Variants in BRINP3 observed in about 807,000 individuals in gnomAD.
BRINP3 encodes BMP/retinoic acid inducible neural specific 3, also known as BMP/retinoic acid-inducible neural-specific protein 3.
In BRINP3, 19 loss-of-function variants were observed where a neutral mutation model predicts 71.0. That is an observed-to-expected ratio of 0.27 (90% confidence interval 0.19 to 0.39). BRINP3 has a LOEUF of 0.39. BRINP3 is among the 10% of genes least tolerant of loss of function. BRINP3 has a pLI of 1.00. For missense variants in BRINP3, 959 were observed against 940.8 expected (o/e 1.02, Z -0.25); for synonymous variants, 380 against 337.7 (o/e 1.13, Z -1.37).
chr1:190,249,362 T>G (rs1014576832), intron 4 of BRINP3, among the ~76,000 whole-genome samples: 18 of 152,000 alleles, frequency 1.2e-4, no homozygotes, highest in African/African-American at 3.9e-4. Flanking sequence ...CTAAATATTT[T>G]TATTATTTCT....
intron 2 of BRINP3, among the ~76,000 whole-genome samples, chr1:190,405,291 A>T (rs1043001526): frequency 1.3e-5 from 2 of 151,626 alleles, no homozygotes; most frequent in African/African-American, 4.8e-5. Flanking sequence ...CTCTACTAAA[A>T]ATGCAAAAAA....
intron 2 of BRINP3, among the ~76,000 whole-genome samples, chr1:190,312,272 A>G (rs1178947182): frequency 6.6e-6 from 1 of 151,200 alleles, no homozygotes; most frequent in Non-Finnish European, 1.5e-5. Flanking sequence ...ATGAGCTGTC[A>G]TTTAGAAATA....
intron 2 of BRINP3, among the ~76,000 whole-genome samples, chr1:190,369,739 A>G (rs1293206520): frequency 6.6e-6 from 1 of 152,102 alleles, no homozygotes; most frequent in Non-Finnish European, 1.5e-5. Flanking sequence ...ATTTAAGTCC[A>G]GGACAAGTTT....
intron 2 of BRINP3, among the ~76,000 whole-genome samples, chr1:190,338,725 T>C (rs1211726065): frequency 6.6e-6 from 1 of 151,972 alleles, no homozygotes; most frequent in Non-Finnish European, 1.5e-5. Flanking sequence ...TACTATCTTA[T>C]ACTATCCAAG....
intron 2 of BRINP3, among the ~76,000 whole-genome samples, chr1:190,294,919 C>G (rs1170674249): frequency 6.6e-6 from 1 of 151,828 alleles, no homozygotes; most frequent in African/African-American, 2.4e-5. Context: ...AGACATGGGA[C>G]AGTTCCCTGG....
intron 6 of BRINP3, among the ~76,000 whole-genome samples, chr1:190,181,593 A>G (rs1160015695): frequency 1.3e-5 from 2 of 152,124 alleles, no homozygotes; most frequent in South Asian, 4.1e-4. Flanking sequence ...CACTATGCGT[A>G]CAAAACTTAT....
At chr1:190,325,408 A>G (rs1044593837) in intron 2 of BRINP3, among the ~76,000 whole-genome samples, 13 of 152,166 alleles carry the variant, frequency 8.5e-5, no homozygotes, top group African/African-American at 2.9e-4. Context: ...TTTAGCATAC[A>G]TTGAAAAATG....
At chr1:190,208,996 A>T (rs997390193) in intron 6 of BRINP3, among the ~76,000 whole-genome samples, 4 of 152,130 alleles carry the variant, frequency 2.6e-5, no homozygotes, top group African/African-American at 9.6e-5. Context: ...TTGATCCATT[A>T]TAAGTGGTTC....
chr1:190,248,496 C>T (rs1387601008), intron 4 of BRINP3, among the ~76,000 whole-genome samples: 1 of 151,670 alleles, frequency 6.6e-6, no homozygotes, highest in Non-Finnish European at 1.5e-5. Flanking sequence ...TTCTTTCATT[C>T]TCCTATCTCT....
chr1:190,114,130 A>G (rs1652923401), intron 7 of BRINP3, among the ~76,000 whole-genome samples: 1 of 152,050 alleles, frequency 6.6e-6, no homozygotes, highest in Non-Finnish European at 1.5e-5. Flanking sequence ...GTGAGTTGTC[A>G]TGGAATCTGG....
intron 1 of BRINP3, chr1:190,475,895 G>C (rs1317511444): frequency 6.6e-6 from 1 of 151,784 alleles, no homozygotes; most frequent in Non-Finnish European, 1.5e-5. Flanking sequence ...CCTCCAAAGA[G>C]AATGTTTGAA....
At chr1:190,134,873 G>A (rs1654844415) in intron 7 of BRINP3, among the ~76,000 whole-genome samples, 1 of 152,084 alleles carries the variant, frequency 6.6e-6, no homozygotes, top group Non-Finnish European at 1.5e-5. Context: ...TTAGGACAAG[G>A]CAAGAAACCT....
intron 6 of BRINP3, among the ~76,000 whole-genome samples, chr1:190,201,354 G>A (rs1654988446): frequency 6.6e-6 from 1 of 151,658 alleles, no homozygotes; most frequent in East Asian, 1.9e-4. Context: ...CAGCATTTAA[G>A]AGGTGATTTG....
chr1:190,271,114 C>T (rs1387994116), intron 3 of BRINP3, among the ~76,000 whole-genome samples: 1 of 151,512 alleles, frequency 6.6e-6, no homozygotes, highest in Non-Finnish European at 1.5e-5. Context: ...TTTCCTATTA[C>T]TGAAGGTGTT....
chr1:190,149,315 T>C (rs2102415545), intron 7 of BRINP3, among the ~76,000 whole-genome samples: 1 of 152,298 alleles, frequency 6.6e-6, no homozygotes, highest in Non-Finnish European at 1.5e-5. Flanking sequence ...GGTATTTCAC[T>C]TACATGTGAT....
At chr1:190,311,697 C>A (rs1665532189) in intron 2 of BRINP3, among the ~76,000 whole-genome samples, 1 of 151,070 alleles carries the variant, frequency 6.6e-6, no homozygotes. Context: ...AAAAACTTTT[C>A]CTATATGAAA....
At chr1:190,465,078 G>A (rs949186342) in intron 1 of BRINP3, among the ~76,000 whole-genome samples, 5 of 151,836 alleles carry the variant, frequency 3.3e-5, no homozygotes, top group African/African-American at 7.2e-5. Context: ...TCCTTAAGTC[G>A]GCCCAGCACA....
In BRINP3 at chr1:190,099,005, G is replaced by T. The variant is rs769445823; in HGVS notation, c.1314C>A (p.Phe438Leu). Residue 438 changes from phenylalanine to leucine, a missense_variant, in exon 8 of 8, where the codon TTC becomes TTA. Transcript: ENST00000367462. Reference protein sequence around the residue: ...CPNDQVVCTAFLPCTVGDASA... With the variant: ...CPNDQVVCTALLPCTVGDASA... ...AGGCGTCTCCCACTGTGCAGGGCAG[G>T]AACGCGGTGCAGACCACCTGGTCAT... 1.2e-6 allele frequency: 2 copies of T among 1,614,166 alleles called. No homozygotes were observed. Among genetic ancestry groups the T allele is most frequent in the Admixed American group, 3.3e-5 (2 of 60,016 alleles).
At chr1:190,111,206 A>AAAAAAAAAC (rs1311949838) in intron 7 of BRINP3, among the ~76,000 whole-genome samples, 2 of 142,046 alleles carry the variant, frequency 1.4e-5, no homozygotes, top group African/African-American at 6.1e-5. Flanking sequence ...AAAAAAAAAA[A>AAAAAAAAAC]AACTTTAGAA....
Sources: allele counts gnomAD v4.1 joint callset (sites outside exome capture counted in the v4.1 genomes callset), GRCh38; gene constraint gnomAD v4.1.1; transcripts MANE v1.5; gene names NCBI Gene and HGNC (gene_info 2026-07-23, HGNC 2026-07-21).